The following RGL1 variants were observed in gnomAD, a reference collection of about 807,000 sequenced individuals.
RGL1 encodes ral guanine nucleotide dissociation stimulator like 1, also known as ral guanine nucleotide dissociation stimulator-like 1.
Under a neutral mutation model 95.2 loss-of-function variants are expected in RGL1, and 24 were observed. That is an observed-to-expected ratio of 0.25 (90% CI 0.18 to 0.35). RGL1 has a LOEUF of 0.35. Ranked by LOEUF, RGL1 falls within the 10% of genes least tolerant of loss-of-function variation. The pLI, the probability that RGL1 is intolerant of heterozygous loss-of-function variation, is 1.00. For missense variants in RGL1, 715 were observed against 936.3 expected (o/e 0.76, Z 3.08); for synonymous variants, 329 against 344.9 (o/e 0.95, Z 0.51).
chr1:183,742,969 C>T (rs1300480681), intron 2 of RGL1, among the ~76,000 whole-genome samples: 2 of 152,026 alleles, frequency 1.3e-5, no homozygotes, highest in Non-Finnish European at 2.9e-5. Flanking sequence ...GGGTTGTGAC[C>T]ATCTTTTCAG....
intron 2 of RGL1, among the ~76,000 whole-genome samples, chr1:183,772,656 G>C (rs1473949438): frequency 1.3e-5 from 2 of 152,102 alleles, no homozygotes; most frequent in African/African-American, 2.4e-5. Flanking sequence ...ATTTCAGAAA[G>C]GGGGAGATTT....
At chr1:183,820,825 A>G (rs1662430766) in intron 2 of RGL1, among the ~76,000 whole-genome samples, 1 of 152,188 alleles carries the variant, frequency 6.6e-6, no homozygotes, top group Admixed American at 6.5e-5. Flanking sequence ...ATGTATCGTT[A>G]AAATTAATTT....
chr1:183,725,165 T>TC (rs1656243031), intron 1 of RGL1, among the ~76,000 whole-genome samples: 1 of 152,122 alleles, frequency 6.6e-6, no homozygotes, highest in Admixed American at 6.6e-5. Context: ...GCTCGAGGTG[T>TC]CCCCCTAATG....
chr1:183,872,922 A>AT (rs995432222), intron 4 of RGL1, among the ~76,000 whole-genome samples: 21 of 152,250 alleles, frequency 1.4e-4, no homozygotes, highest in African/African-American at 5.1e-4. Flanking sequence ...TGTGAAAGGA[A>AT]TTTTTTTTAA....
At chr1:183,881,244 GGAAT>G (rs1666807896) in intron 5 of RGL1, among the ~76,000 whole-genome samples, 1 of 152,154 alleles carries the variant, frequency 6.6e-6, no homozygotes, top group African/African-American at 2.4e-5. Flanking sequence ...TAGCAGTCAA[GGAAT>G]GAAGTCTAGT....
intron 4 of RGL1, among the ~76,000 whole-genome samples, chr1:183,871,095 T>C (rs948300440): frequency 1.3e-5 from 2 of 152,250 alleles, no homozygotes; most frequent in African/African-American, 4.8e-5. Context: ...TTTAGCTTTT[T>C]CTTTCTCTCA....
At chr1:183,799,986 G>A (rs549428153) in intron 2 of RGL1, among the ~76,000 whole-genome samples, 8 of 152,028 alleles carry the variant, frequency 5.3e-5, no homozygotes, top group Non-Finnish European at 1.2e-4. Context: ...AGTATATTTC[G>A]TGTAATCCTC....
intron 1 of RGL1, among the ~76,000 whole-genome samples, chr1:183,661,847 A>C (rs1182065502): frequency 6.9e-6 from 1 of 144,780 alleles, no homozygotes; most frequent in Non-Finnish European, 1.5e-5. Context: ...CAGCACATCA[A>C]AAAGCTTATC....
intron 1 of RGL1, chr1:183,648,432 T>C (rs1409118739): frequency 4.3e-6 from 7 of 1,614,124 alleles, no homozygotes; most frequent in African/African-American, 1.3e-5. Context: ...CAGAATGATA[T>C]GCCTGATGCT....
intron 14 of RGL1, among the ~76,000 whole-genome samples, chr1:183,911,447 G>A (rs1435276801): frequency 4.6e-5 from 7 of 152,142 alleles, no homozygotes; most frequent in African/African-American, 1.4e-4. Context: ...GGCCCTGGGT[G>A]TGCATTAAAA....
intron 1 of RGL1, among the ~76,000 whole-genome samples, chr1:183,701,773 C>T (rs1654610850): frequency 6.6e-6 from 1 of 151,974 alleles, no homozygotes; most frequent in African/African-American, 2.4e-5. Flanking sequence ...CCCATCTCCA[C>T]TAAAAATAGA....
chr1:183,879,405 A>C, intron 4 of RGL1, among the ~76,000 whole-genome samples: 1 of 152,372 alleles, frequency 6.6e-6, no homozygotes, highest in African/African-American at 2.4e-5. Flanking sequence ...TATGTGGGTA[A>C]TAACTTAGTC....
At chr1:183,711,116 C>T (rs760869351) in intron 1 of RGL1, among the ~76,000 whole-genome samples, 16 of 152,118 alleles carry the variant, frequency 1.1e-4, no homozygotes, top group African/African-American at 1.7e-4. Flanking sequence ...CCTTTTAGGC[C>T]GGGTCACACA....
At chr1:183,722,947 C>A in intron 1 of RGL1, among the ~76,000 whole-genome samples, 1 of 152,046 alleles carries the variant, frequency 6.6e-6, no homozygotes, top group Admixed American at 6.6e-5. Context: ...TTTAAAAAGG[C>A]AACAGTAGAC....
chr1:183,704,626 G>A (rs181328061), intron 1 of RGL1, among the ~76,000 whole-genome samples: 13 of 152,312 alleles, frequency 8.5e-5, no homozygotes, highest in South Asian at 4.1e-4. Flanking sequence ...ACAGGAGTGC[G>A]TAGGGTCTTG....
At chr1:183,813,015 G>A (rs1661826603) in intron 2 of RGL1, among the ~76,000 whole-genome samples, 1 of 152,230 alleles carries the variant, frequency 6.6e-6, no homozygotes, top group East Asian at 1.9e-4. Flanking sequence ...GGCATGGTCA[G>A]ATTTGCATTT....
chr1:183,755,521 A>T (rs1658270781), intron 2 of RGL1, among the ~76,000 whole-genome samples: 1 of 151,888 alleles, frequency 6.6e-6, no homozygotes, highest in Non-Finnish European at 1.5e-5. Flanking sequence ...TACCTTTTTA[A>T]AAAAAAAGAG....
chr1:183,916,856 C>T (rs2102745477), intron 16 of RGL1, among the ~76,000 whole-genome samples, 155 bp downstream of exon 16: 1 of 152,196 alleles, frequency 6.6e-6, no homozygotes, highest in South Asian at 2.1e-4. Context: ...AGTTCCAGGT[C>T]TCCCTGGGCA....
intron 1 of RGL1, among the ~76,000 whole-genome samples, chr1:183,686,427 A>C (rs538192813): frequency 2.1e-4 from 17 of 79,464 alleles, no homozygotes; most frequent in South Asian, 1.4e-3. Context: ...ATTTGCTGAC[A>C]ATATGTTTTT....
Sources: allele counts gnomAD v4.1 joint callset (sites outside exome capture counted in the v4.1 genomes callset), GRCh38; gene constraint gnomAD v4.1.1; transcripts MANE v1.5; gene names NCBI Gene and HGNC (gene_info 2026-07-23, HGNC 2026-07-21).